The following DOCK8 variants were observed in gnomAD, a reference collection of about 807,000 sequenced individuals.
The protein encoded by DOCK8 is dedicator of cytokinesis protein 8.
DOCK8 carries 141 observed loss-of-function variants against 245.6 expected under a neutral mutation model. The ratio of observed to expected loss-of-function variants is 0.57; its 90% CI spans 0.50 to 0.66. The LOEUF (loss-of-function observed/expected upper bound fraction) is 0.66. Among genes scored for constraint, DOCK8 ranks in the 30% least tolerant of loss-of-function variants. The pLI, the probability that DOCK8 is intolerant of heterozygous loss-of-function variation, is 0.00. For missense variants in DOCK8, 2,965 were observed against 2,603.4 expected (o/e 1.14, Z -3.02); for synonymous variants, 1,168 against 970.2 (o/e 1.20, Z -3.79).
At chr9:351,817 A>G (rs1365501461) in intron 14 of DOCK8, among the ~76,000 whole-genome samples, 1 of 152,242 alleles carries the variant, frequency 6.6e-6, no homozygotes, top group Non-Finnish European at 1.5e-5. Context: ...ACAGCTCTCT[A>G]GCAATAGCCA....
At chr9:270,772 T>C (rs1393210213) in intron 1 of DOCK8, among the ~76,000 whole-genome samples, 2 of 152,240 alleles carry the variant, frequency 1.3e-5, no homozygotes, top group African/African-American at 2.4e-5. Flanking sequence ...TTTCTAATTA[T>C]ATTCAGTAGT....
intron 20 of DOCK8, among the ~76,000 whole-genome samples, chr9:378,724 G>A (rs537733958): frequency 6.6e-6 from 1 of 152,342 alleles, no homozygotes; most frequent in South Asian, 2.1e-4. Context: ...GCCACCTTGT[G>A]GTGTGAGGAC....
At chr9:411,176 G>T (rs2055708457) in intron 28 of DOCK8, among the ~76,000 whole-genome samples, 1 of 152,116 alleles carries the variant, frequency 6.6e-6, no homozygotes, top group South Asian at 2.1e-4. Context: ...ACTTTGGGTG[G>T]CCAAGGCGAG....
chr9:375,513 A>G (rs1411951836), intron 18 of DOCK8, among the ~76,000 whole-genome samples: 1 of 152,204 alleles, frequency 6.6e-6, no homozygotes, highest in African/African-American at 2.4e-5. Flanking sequence ...AAGATATTCT[A>G]TACTTTGTCC....
intron 1 of DOCK8, among the ~76,000 whole-genome samples, chr9:265,632 A>G (rs1324171000): frequency 2.6e-5 from 4 of 152,170 alleles, no homozygotes; most frequent in Non-Finnish European, 5.9e-5. Context: ...TCCTTAAATC[A>G]GTTTTAAAAT....
At chr9:290,812 A>G (rs1020231117) in intron 4 of DOCK8, among the ~76,000 whole-genome samples, 6 of 152,216 alleles carry the variant, frequency 3.9e-5, no homozygotes, top group African/African-American at 9.6e-5. Flanking sequence ...TTACTATTCT[A>G]TGGGGTAAAT....
chr9:392,847 T>G (rs2054261546), intron 24 of DOCK8, among the ~76,000 whole-genome samples: 1 of 151,986 alleles, frequency 6.6e-6, no homozygotes, highest in African/African-American at 2.4e-5. Context: ...CCATGCCCTT[T>G]ATATCCTGCT....
intron 21 of DOCK8, among the ~76,000 whole-genome samples, chr9:381,576 T>A (rs1363599361): frequency 6.6e-6 from 1 of 152,190 alleles, no homozygotes; most frequent in Admixed American, 6.5e-5. Context: ...TTCACAAAAT[T>A]GCAGGCCCAA....
At chr9:425,376 C>T (rs1000474319) in intron 33 of DOCK8, among the ~76,000 whole-genome samples, 1 of 151,810 alleles carries the variant, frequency 6.6e-6, no homozygotes, top group South Asian at 2.1e-4. Flanking sequence ...ACTAAAAATA[C>T]AAAAAAGTAG....
chr9:296,044 A>G (rs1255737591), intron 4 of DOCK8, among the ~76,000 whole-genome samples: 1 of 152,250 alleles, frequency 6.6e-6, no homozygotes, highest in Non-Finnish European at 1.5e-5. Context: ...TGTGTTACTT[A>G]GACTGGAAGA....
In DOCK8 at chr9:306,263, A is replaced by G. The variant is rs796598208; in HGVS notation, c.528+1559A>G. Among the ~76,000 whole-genome samples, 40 of 152,268 alleles carry G rather than the reference A, an allele frequency of 2.6e-4. 1 individual carries two copies. Among genetic ancestry groups the G allele is most frequent in the African/African-American group, 9.4e-4 (39 of 41,560 alleles). On this transcript the variant is annotated intron_variant, in intron 5 of 47. Transcript: ENST00000432829. ...AGGTGGTCCCCCTAAAGCAAAGCCC[A>G]CTACTTACTTGGAGCTTCACAGTAG... is the stretch of plus-strand genomic sequence containing the variant.
At chr9:362,599 A>G (rs1405998634) in intron 14 of DOCK8, among the ~76,000 whole-genome samples, 1 of 152,056 alleles carries the variant, frequency 6.6e-6, no homozygotes, top group Non-Finnish European at 1.5e-5. Flanking sequence ...TCTCCTCTCA[A>G]AGCCCTCTTT....
In DOCK8 at chr9:392,023, A is replaced by T. The variant is rs181296899; in HGVS notation, c.2970+1457A>T. On this transcript the variant is annotated intron_variant, in intron 24 of 47. Transcript: ENST00000432829. ...TGTGGTGGCGGGTGCCTGTAATCCC[A>T]TCTACTCAGGAGGCTGAGGCAGGAG... 1.7e-3 allele frequency among the ~76,000 whole-genome samples: 254 copies of T among 151,746 alleles called. 3 individuals are homozygous for T. The highest frequency in any genetic ancestry group is 6.0e-3 in the African/African-American group (248 of 41,380).
At chr9:226,702 AGCAG>A (rs1334766691) in intron 1 of DOCK8, among the ~76,000 whole-genome samples, 2 of 152,218 alleles carry the variant, frequency 1.3e-5, no homozygotes, top group African/African-American at 4.8e-5. Flanking sequence ...CTGGAGGAGA[AGCAG>A]GCTTTTAGGG....
chr9:457,584 T>G (rs929177356), intron 46 of DOCK8, among the ~76,000 whole-genome samples: 4 of 152,200 alleles, frequency 2.6e-5, no homozygotes, highest in Non-Finnish European at 5.9e-5. Flanking sequence ...GATGAGACAT[T>G]GGCCTGGGAG....
Position 420,439 on chromosome 9 carries a change from T to G in DOCK8, c.3879T>G (p.Thr1293=). 6.2e-7 allele frequency: 1 copy of G among 1,614,174 alleles called. No homozygotes were observed. Among genetic ancestry groups the G allele is most frequent in the Non-Finnish European group, 8.5e-7 (1 of 1,180,034 alleles). Residue 1293 remains threonine (T), a synonymous_variant, in exon 31 of 48, where the codon ACT becomes ACG. Transcript: ENST00000432829. ...KQYNMLNADT[T]RNLMICFLWI... is the part of the protein sequence containing the mutation. ...ACAACATGCTGAACGCGGACACTACTCGCAACCTCATGATCTGCTTCCTCT... is the reference window on the plus strand; with the variant it reads ...ACAACATGCTGAACGCGGACACTACGCGCAACCTCATGATCTGCTTCCTCT...
At chr9:356,535 A>AG (rs1029688375) in intron 14 of DOCK8, among the ~76,000 whole-genome samples, 2 of 151,460 alleles carry the variant, frequency 1.3e-5, no homozygotes, top group African/African-American at 4.8e-5. Context: ...GTCTCAAAAA[A>AG]AAAAAAAAAA....
chr9:360,238 C>A (rs1456758999), intron 14 of DOCK8, among the ~76,000 whole-genome samples: 1 of 151,314 alleles, frequency 6.6e-6, no homozygotes, highest in East Asian at 1.9e-4. Context: ...ATTGCTTGAT[C>A]TTGGGCAGTG....
intron 22 of DOCK8, among the ~76,000 whole-genome samples, chr9:384,636 G>A (rs2053870718): frequency 1.3e-5 from 2 of 152,334 alleles, no homozygotes; most frequent in South Asian, 2.1e-4. Context: ...ACTGGATTTG[G>A]CCGGGCACCG....
Sources: allele counts gnomAD v4.1 joint callset (sites outside exome capture counted in the v4.1 genomes callset), GRCh38; gene constraint gnomAD v4.1.1; transcripts MANE v1.5; gene names NCBI Gene and HGNC (gene_info 2026-07-23, HGNC 2026-07-21).